Variants in RANBP17 observed in about 807,000 individuals in gnomAD.
RANBP17 encodes RAN binding protein 17.
A neutral mutation model predicts 141.2 loss-of-function variants in RANBP17; 158 were observed. That is an observed-to-expected ratio of 1.12 (90% CI 0.98 to 1.28). The LOEUF (loss-of-function observed/expected upper bound fraction) is 1.28, where lower values mean the gene tolerates loss of function less well. Ranked by LOEUF, RANBP17 falls within the 50% of genes most tolerant of loss-of-function variation. The pLI is 0.00. For missense variants in RANBP17, 1,438 were observed against 1,290.7 expected (o/e 1.11, Z -1.75); for synonymous variants, 430 against 450.0 (o/e 0.96, Z 0.56).
intron 14 of RANBP17, among the ~76,000 whole-genome samples, chr5:171,167,435 AAATT>A (rs1342008769): frequency 6.6e-6 from 1 of 152,216 alleles, no homozygotes; most frequent in African/African-American, 2.4e-5. Context: ...GAAAACAAGA[AAATT>A]AACCAGTAAA....
At chr5:171,215,063 T>TCCCCCTGC (rs1175614296) in intron 21 of RANBP17, among the ~76,000 whole-genome samples, 1 of 142,558 alleles carries the variant, frequency 7.0e-6, no homozygotes, top group Non-Finnish European at 1.5e-5. Flanking sequence ...TTGCCCCCCA[T>TCCCCCTGC]CCCCCAACAG....
intron 14 of RANBP17, among the ~76,000 whole-genome samples, chr5:171,146,190 A>G (rs979550499): frequency 3.9e-5 from 6 of 152,176 alleles, no homozygotes; most frequent in African/African-American, 7.2e-5. Context: ...TTTATCTTCT[A>G]TGCGTATAAG....
intron 14 of RANBP17, among the ~76,000 whole-genome samples, chr5:171,097,658 T>C (rs992616799): frequency 6.8e-6 from 1 of 147,176 alleles, no homozygotes; most frequent in African/African-American, 2.5e-5. Context: ...TTATTATACT[T>C]TAAGTTCTGG....
chr5:171,092,198 T>A (rs1203758728), intron 14 of RANBP17, among the ~76,000 whole-genome samples: 1 of 152,064 alleles, frequency 6.6e-6, no homozygotes, highest in Non-Finnish European at 1.5e-5. Context: ...AGGAAAAAAA[T>A]TTCCTTTCTG....
At chr5:171,263,189 G>A (rs1766443907) in intron 24 of RANBP17, among the ~76,000 whole-genome samples, 1 of 152,190 alleles carries the variant, frequency 6.6e-6, no homozygotes, top group Non-Finnish European at 1.5e-5. Context: ...AGATGAATGA[G>A]AAACTACTCC....
chr5:171,113,291 T>C (rs1173023946), intron 14 of RANBP17, among the ~76,000 whole-genome samples: 1 of 152,174 alleles, frequency 6.6e-6, no homozygotes, highest in Non-Finnish European at 1.5e-5. Flanking sequence ...TTACCCGTGC[T>C]ACTACAACTT....
chr5:171,042,304 T>C (rs576461731), intron 14 of RANBP17, among the ~76,000 whole-genome samples: 1 of 152,158 alleles, frequency 6.6e-6, no homozygotes, highest in African/African-American at 2.4e-5. Context: ...TAGTTATATA[T>C]AGTTAACTAT....
At chr5:171,142,580 C>T (rs1275859343) in intron 14 of RANBP17, among the ~76,000 whole-genome samples, 1 of 152,184 alleles carries the variant, frequency 6.6e-6, no homozygotes, top group Admixed American at 6.5e-5. Context: ...ATGGTCTTCT[C>T]ATCTTAGTAA....
chr5:171,209,084 A>G (rs960150572), intron 20 of RANBP17, among the ~76,000 whole-genome samples: 7 of 152,208 alleles, frequency 4.6e-5, no homozygotes, highest in Admixed American at 2.0e-4. Context: ...ACAAAGATAC[A>G]AACAGGACAG....
chr5:171,198,449 A>G (rs765364469), intron 18 of RANBP17, among the ~76,000 whole-genome samples: 2 of 152,060 alleles, frequency 1.3e-5, no homozygotes, highest in Non-Finnish European at 2.9e-5. Context: ...CAGATCAGCC[A>G]CTCCTTAAGA....
chr5:171,083,909 G>C (rs939855888), intron 14 of RANBP17, among the ~76,000 whole-genome samples: 1 of 151,506 alleles, frequency 6.6e-6, no homozygotes, highest in Admixed American at 6.6e-5. Flanking sequence ...ACTTGGAACT[G>C]TAAGTCCAAT....
chr5:171,253,846 C>G (rs1765721740), intron 24 of RANBP17, among the ~76,000 whole-genome samples: 3 of 152,132 alleles, frequency 2.0e-5, no homozygotes, highest in Admixed American at 2.0e-4. Flanking sequence ...AGGTAAATAT[C>G]CTTTTTCAGG....
intron 14 of RANBP17, among the ~76,000 whole-genome samples, chr5:171,095,635 G>C (rs1786633399): frequency 6.6e-6 from 1 of 152,048 alleles, no homozygotes; most frequent in African/African-American, 2.4e-5. Context: ...AAGCTTTCTG[G>C]GCCTTAGTTT....
Position 171,275,132 on chromosome 5 carries a change from G to A in RANBP17, c.2943+9285G>A, listed in dbSNP as rs1285512974. On this transcript the variant is annotated intron_variant, in intron 25 of 27. Coordinates refer to ENST00000523189, the MANE Select transcript of RANBP17 (RefSeq NM_022897.5). ...AGTTGGGTGACTAAGCAACAGCAAA[G>A]ACACCATATTGAGTGAGCCAGAATC... is the stretch of plus-strand genomic sequence containing the variant. Among the ~76,000 whole-genome samples the A allele has an allele frequency of 2.0e-5, 3 of 152,142 alleles. No individual in the cohort carries two copies. The East Asian group carries it at 5.8e-4, about 29-fold the overall frequency.
chr5:171,159,983 T>A (rs1270613334), intron 14 of RANBP17, among the ~76,000 whole-genome samples: 1 of 147,754 alleles, frequency 6.8e-6, no homozygotes, highest in Non-Finnish European at 1.5e-5. Flanking sequence ...GACCTATTGA[T>A]CTGAATGGGG....
intron 14 of RANBP17, among the ~76,000 whole-genome samples, chr5:171,089,985 C>G (rs1181851615): frequency 6.6e-6 from 1 of 152,172 alleles, no homozygotes; most frequent in Non-Finnish European, 1.5e-5. Context: ...GTGGTTATGT[C>G]TTTATCAGCA....
At chr5:171,193,589 C>T (rs1307933978) in intron 18 of RANBP17, among the ~76,000 whole-genome samples, 1 of 152,166 alleles carries the variant, frequency 6.6e-6, no homozygotes, top group Admixed American at 6.5e-5. Flanking sequence ...CCAAATGGGT[C>T]TCAGGGAGCT....
intron 14 of RANBP17, among the ~76,000 whole-genome samples, chr5:171,102,009 C>T (rs1048577076): frequency 2.6e-5 from 4 of 152,204 alleles, no homozygotes; most frequent in African/African-American, 9.6e-5. Context: ...ACCTTTCTCT[C>T]TGTCTGCCCT....
chr5:171,274,848 A>G (rs1305787353), intron 25 of RANBP17, among the ~76,000 whole-genome samples: 1 of 152,230 alleles, frequency 6.6e-6, no homozygotes. Context: ...AGAAGATTAT[A>G]TCATAATATA....
Sources: gnomAD v4.1 joint callset for allele counts (sites outside exome capture counted in the v4.1 genomes callset) on GRCh38, gnomAD v4.1.1 for gene constraint, MANE v1.5 for transcripts, NCBI Gene and HGNC (gene_info 2026-07-23, HGNC 2026-07-21) for gene names.